Variants in CNTNAP3 observed in about 807,000 individuals in gnomAD.
CNTNAP3 encodes the protein contactin-associated protein-like 3.
In CNTNAP3, 36 loss-of-function variants were observed where a neutral mutation model predicts 92.1. The ratio of observed to expected loss-of-function variants is 0.39; its 90% confidence interval spans 0.30 to 0.52. The LOEUF (loss-of-function observed/expected upper bound fraction) is 0.52. Among genes scored for constraint, CNTNAP3 ranks in the 20% least tolerant of loss-of-function variants. The pLI, the probability that CNTNAP3 is intolerant of heterozygous loss-of-function variation, is 0.76. For missense variants in CNTNAP3, 534 were observed against 1,069.6 expected (o/e 0.50, Z 6.98); for synonymous variants, 232 against 422.3 (o/e 0.55, Z 5.53).
chr9:39,107,374 G>A (rs1826633249), intron 15 of CNTNAP3, among the ~76,000 whole-genome samples: 1 of 138,266 alleles, frequency 7.2e-6, no homozygotes, highest in Non-Finnish European at 1.6e-5. Context: ...GGAAGGGAGG[G>A]AGAGAAAGAG....
rs1447117649 is a variant in CNTNAP3, at chr9:39,140,604, G to C, written c.1791C>G (p.His597Gln). The C allele has an allele frequency of 6.2e-7, 1 of 1,613,300 alleles. No homozygotes were observed. The change falls in exon 12 of 24, where the codon CAC becomes CAG. Residue 597 changes from histidine to glutamine, a missense_variant. By Grantham distance (24) the His-to-Gln change is conservative (BLOSUM62 0). Transcript: ENST00000297668. ...AGTAAAGCCCAGACGGGTTCCCTCG[G>C]TGCTTGTGGGCTTCACAAGACTGCT... ...LYEQSCEAHKHRGNPSGLYYI... is the reference protein window; with the variant it reads ...LYEQSCEAHKQRGNPSGLYYI...
chr9:39,143,561 C>T (rs1821628319), intron 11 of CNTNAP3, among the ~76,000 whole-genome samples: 2 of 152,302 alleles, frequency 1.3e-5, no homozygotes, highest in African/African-American at 4.8e-5. Context: ...AGAGTACTTT[C>T]TTCCTGGAGC....
At chr9:39,121,640 C>A (rs1401990500) in intron 13 of CNTNAP3, among the ~76,000 whole-genome samples, 1 of 152,114 alleles carries the variant, frequency 6.6e-6, no homozygotes, top group Non-Finnish European at 1.5e-5. Context: ...TTGATGGATA[C>A]TGAGCAAGGA....
At chr9:39,127,462 T>TA (rs1297124381) in intron 13 of CNTNAP3, among the ~76,000 whole-genome samples, 1 of 151,856 alleles carries the variant, frequency 6.6e-6, no homozygotes, top group African/African-American at 2.4e-5. Flanking sequence ...ACAAAAATAA[T>TA]AGAGAAAATC....
chr9:39,106,987 G>GA (rs1476294428), intron 15 of CNTNAP3, among the ~76,000 whole-genome samples: 4 of 151,898 alleles, frequency 2.6e-5, no homozygotes, highest in African/African-American at 9.7e-5. Flanking sequence ...TAGATTATGG[G>GA]AAAAAAAATT....
chr9:39,129,953 A>C (rs565538579), intron 13 of CNTNAP3, among the ~76,000 whole-genome samples: 1 of 152,340 alleles, frequency 6.6e-6, no homozygotes, highest in Non-Finnish European at 1.5e-5. Flanking sequence ...TAAAGATATT[A>C]CTACACAGTT....
intron 18 of CNTNAP3, among the ~76,000 whole-genome samples, chr9:39,097,583 T>C (rs1416659788): frequency 1.3e-5 from 2 of 151,922 alleles, no homozygotes; most frequent in Non-Finnish European, 2.9e-5. Flanking sequence ...CAGCTGTTTC[T>C]GCGTGGACAG....
chr9:39,093,815 T>A (rs1267558219), intron 18 of CNTNAP3, among the ~76,000 whole-genome samples: 1 of 151,528 alleles, frequency 6.6e-6, no homozygotes, highest in Non-Finnish European at 1.5e-5. Context: ...AGTGCTACTA[T>A]GAACATTTGT....
At chr9:39,098,243 T>C in intron 18 of CNTNAP3, among the ~76,000 whole-genome samples, 1 of 147,726 alleles carries the variant, frequency 6.8e-6, no homozygotes, top group Non-Finnish European at 1.5e-5. Context: ...GAAAGGTTGA[T>C]ATTTTAATTT....
chr9:39,131,597 G>C (rs1821295027), intron 13 of CNTNAP3, among the ~76,000 whole-genome samples: 1 of 151,936 alleles, frequency 6.6e-6, no homozygotes, highest in Admixed American at 6.6e-5. Flanking sequence ...AGGCTGAGGC[G>C]GGCGGATCAC....
chr9:39,136,493 CACT>C (rs1821439462), intron 12 of CNTNAP3, among the ~76,000 whole-genome samples: 1 of 152,136 alleles, frequency 6.6e-6, no homozygotes, highest in Non-Finnish European at 1.5e-5. Context: ...CTCTCTTTCA[CACT>C]TTAAGTATCT....
At chr9:39,117,180 C>T (rs1206146637) in intron 14 of CNTNAP3, among the ~76,000 whole-genome samples, 9 of 151,946 alleles carry the variant, frequency 5.9e-5, no homozygotes, top group African/African-American at 1.7e-4. Context: ...TCAGTGGATA[C>T]GGGGTTTTGC....
intron 14 of CNTNAP3, among the ~76,000 whole-genome samples, chr9:39,112,119 C>G (rs1758548): frequency 3.3e-5 from 5 of 151,038 alleles, no homozygotes; most frequent in Admixed American, 1.3e-4. Context: ...TAATCTCTTG[C>G]AGCAGTATTA....
chr9:39,115,092 G>C (rs1310180259), intron 14 of CNTNAP3, among the ~76,000 whole-genome samples: 1 of 151,704 alleles, frequency 6.6e-6, no homozygotes, highest in African/African-American at 2.4e-5. Context: ...GGAACTGTCT[G>C]ATCATAAACT....
intron 18 of CNTNAP3, among the ~76,000 whole-genome samples, chr9:39,097,346 T>G (rs1241184507): frequency 6.6e-6 from 1 of 152,026 alleles, no homozygotes; most frequent in Non-Finnish European, 1.5e-5. Flanking sequence ...GCTCTGAAGC[T>G]GTGGGGAGTG....
intron 12 of CNTNAP3, among the ~76,000 whole-genome samples, chr9:39,136,675 T>G (rs1433040760): frequency 6.6e-6 from 1 of 152,068 alleles, no homozygotes. Context: ...CTGAGGTGGG[T>G]GGATCACCTT....
intron 13 of CNTNAP3, among the ~76,000 whole-genome samples, chr9:39,120,445 T>C (rs188107604): frequency 0.039 from 5,905 of 152,168 alleles, 163 homozygotes; most frequent in Non-Finnish European, 0.061. Context: ...GAGGCCGAGG[T>C]GGGCGGATCA....
chr9:39,094,864 T>C (rs1247725300), intron 18 of CNTNAP3, among the ~76,000 whole-genome samples: 2 of 151,598 alleles, frequency 1.3e-5, no homozygotes, highest in Non-Finnish European at 3.0e-5. Flanking sequence ...AGGGGCTTTT[T>C]CATTTGTATA....
chr9:39,144,263 T>G lies in CNTNAP3; in HGVS notation c.1733A>C (p.Tyr578Ser). 6.3e-7 allele frequency: 1 copy of G among 1,589,412 alleles called. No homozygotes were observed. Among genetic ancestry groups the G allele is most frequent in the Non-Finnish European group, 8.6e-7 (1 of 1,168,592 alleles). ...ACAGGAATGGCAGGTCTCGCCCGTA[T>G]AGCCTGTGCCTAGACAGTCACAGGA... is the stretch of plus-strand genomic sequence containing the variant. ...TFSCDCLGTG[Y>S]TGETCHSSLY... The change falls in exon 11 of 24, where the codon TAT becomes TCT. Residue 578 changes from tyrosine (Y) to serine (S), a missense_variant. Tyr to Ser is a moderately radical substitution (Grantham distance 144). Transcript: ENST00000297668.
Sources: gnomAD v4.1 joint callset for allele counts (sites outside exome capture counted in the v4.1 genomes callset) on GRCh38, gnomAD v4.1.1 for gene constraint, MANE v1.5 for transcripts, NCBI Gene and HGNC (gene_info 2026-07-23, HGNC 2026-07-21) for gene names.